ZNF704: variants seen among roughly 807,000 people sequenced by gnomAD.
ZNF704 encodes glucocorticoid induced gene 1.
ZNF704 carries 10 observed loss-of-function variants against 44.7 expected under a neutral mutation model. That is an observed-to-expected ratio of 0.22 (90% CI 0.14 to 0.38). The LOEUF (loss-of-function observed/expected upper bound fraction) is 0.38. ZNF704 is among the 10% of genes least tolerant of loss of function. The pLI, the probability that ZNF704 is intolerant of heterozygous loss-of-function variation, is 1.00. For synonymous variants in ZNF704, 211 were observed against 207.6 expected (o/e 1.02, Z -0.14); for missense variants, 390 against 545.5 (o/e 0.71, Z 2.84).
Position 80,670,540 on chromosome 8 carries a change from C to T in ZNF704, c.622G>A (p.Ala208Thr), listed in dbSNP as rs748981623. The T allele has an allele frequency of 1.9e-6, 3 of 1,614,176 alleles. No homozygotes were observed. The highest frequency in any genetic ancestry group is 2.2e-5 in the South Asian group (2 of 91,074). The change falls in exon 5 of 9, where the codon GCA becomes ACA. Residue 208 changes from alanine to threonine, a missense_variant. This residue lies in a region of ZNF704 where 305 missense variants were observed against 435.7 expected (regional missense o/e 0.70). Coordinates refer to ENST00000327835, the MANE Select transcript of ZNF704 (RefSeq NM_001033723.3). ...GTTCGGATGTGTTTCTGGATACCTGCTGCAGTGCTCAGCACCTTCCCACAG... is the reference window on the plus strand; with the variant it reads ...GTTCGGATGTGTTTCTGGATACCTGTTGCAGTGCTCAGCACCTTCCCACAG... ...KNCGKVLSTA[A>T]GIQKHIRTIH...
At chr8:80,849,612 C>T (rs745375981) in intron 1 of ZNF704, among the ~76,000 whole-genome samples, 5 of 152,170 alleles carry the variant, frequency 3.3e-5, no homozygotes, top group Non-Finnish European at 7.3e-5. Context: ...GGCAACCAAA[C>T]ACTGTAAAAG....
intron 1 of ZNF704, among the ~76,000 whole-genome samples, chr8:80,840,544 C>A (rs1005345547): frequency 6.6e-6 from 1 of 152,154 alleles, no homozygotes; most frequent in Admixed American, 6.5e-5. Flanking sequence ...TAAGACACTT[C>A]ATTAAAAATT....
intron 7 of ZNF704, among the ~76,000 whole-genome samples, chr8:80,649,242 G>A (rs1817877039): frequency 6.6e-6 from 1 of 152,186 alleles, no homozygotes; most frequent in Non-Finnish European, 1.5e-5. Flanking sequence ...CATGAGTGAT[G>A]CAGAAGATGG....
intron 4 of ZNF704, among the ~76,000 whole-genome samples, chr8:80,677,113 C>T (rs543976448): frequency 2.0e-5 from 3 of 152,288 alleles, no homozygotes; most frequent in South Asian, 2.1e-4. Flanking sequence ...ATGGCTCTTA[C>T]CAATGAGTCA....
At chr8:80,809,625 A>T (rs1269023099) in intron 2 of ZNF704, among the ~76,000 whole-genome samples, 1 of 152,224 alleles carries the variant, frequency 6.6e-6, no homozygotes, top group African/African-American at 2.4e-5. Context: ...AGTGTATGAA[A>T]ATCAAGATGT....
intron 1 of ZNF704, among the ~76,000 whole-genome samples, chr8:80,827,246 T>C (rs946594448): frequency 5.3e-5 from 8 of 152,148 alleles, no homozygotes; most frequent in Admixed American, 1.3e-4. Flanking sequence ...ACAAAATCAA[T>C]GTGCAAAAAT....
At chr8:80,707,917 C>T (rs1450927975) in intron 2 of ZNF704, among the ~76,000 whole-genome samples, 1 of 152,228 alleles carries the variant, frequency 6.6e-6, no homozygotes, top group Non-Finnish European at 1.5e-5. Flanking sequence ...CAGTGCTCTT[C>T]ATAAGACACT....
intron 5 of ZNF704, 80 bp downstream of exon 5, chr8:80,670,423 T>C: frequency 2.0e-6 from 2 of 988,344 alleles, no homozygotes; most frequent in Non-Finnish European, 3.2e-6. Context: ...TAAGGCACAG[T>C]GTGGTGTGCA....
intron 1 of ZNF704, among the ~76,000 whole-genome samples, chr8:80,849,091 G>A (rs550083545): frequency 6.6e-6 from 1 of 152,298 alleles, no homozygotes; most frequent in South Asian, 2.1e-4. Context: ...ATTAAGGGAA[G>A]AGGTGAGTAG....
At position 80,777,952 on chromosome 8, in the gene ZNF704, C is replaced by T. The variant is rs146219232; in HGVS notation, c.221+43422G>A. ...CTCACCCCTAAATATTTCAATATAT[C>T]GCTCTTAAGAACAAGGGCGTTTTTT... On this transcript the variant is annotated intron_variant, in intron 2 of 8. Coordinates refer to ENST00000327835, the MANE Select transcript of ZNF704 (RefSeq NM_001033723.3). Among the ~76,000 whole-genome samples, 442 of 151,852 alleles carry T rather than the reference C, an allele frequency of 2.9e-3. 1 individual carries two copies. Among genetic ancestry groups the T allele is most frequent in the African/African-American group, 6.8e-3 (281 of 41,394 alleles).
chr8:80,793,482 T>A (rs1807747477), intron 2 of ZNF704, among the ~76,000 whole-genome samples: 1 of 152,096 alleles, frequency 6.6e-6, no homozygotes, highest in Admixed American at 6.6e-5. Flanking sequence ...ATTCATAATA[T>A]ATTAATTATT....
chr8:80,830,130 T>A (rs1484702666), intron 1 of ZNF704, among the ~76,000 whole-genome samples: 1 of 152,046 alleles, frequency 6.6e-6, no homozygotes, highest in African/African-American at 2.4e-5. Context: ...AGAAAGCATA[T>A]ATAACGTCGA....
chr8:80,847,395 T>G (rs1026706023), intron 1 of ZNF704, among the ~76,000 whole-genome samples: 1 of 152,108 alleles, frequency 6.6e-6, no homozygotes, highest in Non-Finnish European at 1.5e-5. Flanking sequence ...AAAATGTCAA[T>G]TCTCCTAAAT....
In ZNF704 at chr8:80,641,296, T is replaced by A. The variant is rs779136768; in HGVS notation, c.*70A>T. The A allele has an allele frequency of 4.8e-5, 52 of 1,087,872 alleles. No individual in the cohort carries two copies. Among genetic ancestry groups the A allele is most frequent in the Non-Finnish European group, 6.8e-5 (51 of 751,362 alleles). 67.4% of individuals were successfully genotyped at this position (1,087,872 alleles called of 1,614,324 possible). A position where few individuals can be genotyped will look rare whatever the true frequency, so the allele number is the denominator to read the frequency against. ...GTTTTATTCAGTAGGAAAAGCTCTT[T>A]CCAACACCTGCAGTGGCAGGCCAGG... On this transcript the variant is annotated 3_prime_UTR_variant, in exon 9 of 9. Coordinates refer to ENST00000327835, the MANE Select transcript of ZNF704 (RefSeq NM_001033723.3).
At chr8:80,681,264 G>GT (rs1563516877) in intron 4 of ZNF704, among the ~76,000 whole-genome samples, 1 of 152,094 alleles carries the variant, frequency 6.6e-6, no homozygotes, top group African/African-American at 2.4e-5. Context: ...GGGTCATATG[G>GT]TAAGTGTATA....
intron 2 of ZNF704, among the ~76,000 whole-genome samples, chr8:80,748,663 T>C (rs1001588020): frequency 6.6e-6 from 1 of 152,206 alleles, no homozygotes; most frequent in Admixed American, 6.5e-5. Context: ...AAGCAACTTA[T>C]TCTTGGGTGG....
At chr8:80,829,966 A>G (rs1241056618) in intron 1 of ZNF704, among the ~76,000 whole-genome samples, 2 of 152,406 alleles carry the variant, frequency 1.3e-5, no homozygotes, top group South Asian at 4.1e-4. Context: ...CGGAAGGGGC[A>G]GATGGCAGAT....
chr8:80,659,411 C>T (rs1818063622), intron 7 of ZNF704, among the ~76,000 whole-genome samples, 174 bp downstream of exon 7: 1 of 152,166 alleles, frequency 6.6e-6, no homozygotes, highest in African/African-American at 2.4e-5. Context: ...AGTCAAAACA[C>T]CTTTTCGAAA....
At chr8:80,644,555 CG>C in intron 7 of ZNF704, among the ~76,000 whole-genome samples, 1 of 152,064 alleles carries the variant, frequency 6.6e-6, no homozygotes, top group African/African-American at 2.4e-5. Flanking sequence ...AACATAAATC[CG>C]CAAGTCACCA....
Sources: gnomAD v4.1 joint callset for allele counts (sites outside exome capture counted in the v4.1 genomes callset) on GRCh38, gnomAD v4.1.1 for gene constraint, gnomAD v4.1.1 regional missense constraint, MANE v1.5 for transcripts, NCBI Gene and HGNC (gene_info 2026-07-23, HGNC 2026-07-21) for gene names.